MRAS: variants seen among roughly 807,000 people sequenced by gnomAD.
MRAS encodes the protein ras-related protein M-Ras.
MRAS carries 4 observed loss-of-function variants against 20.9 expected under a neutral mutation model. The observed-to-expected ratio is 0.19, with a 90% confidence interval of 0.09 to 0.44. MRAS has a LOEUF of 0.44. MRAS is among the 20% of genes least tolerant of loss of function. MRAS has a pLI of 0.99. For missense variants in MRAS, 154 were observed against 277.5 expected, an observed-to-expected ratio of 0.56 and a Z score of 3.16; for synonymous variants, 98 against 102.9, an observed-to-expected ratio of 0.95 and a Z score of 0.29.
chr3:138,399,192 C>A (rs1157425678), intron 4 of MRAS, among the ~76,000 whole-genome samples: 5 of 152,190 alleles, frequency 3.3e-5, no homozygotes, highest in Admixed American at 2.6e-4. Context: ...TGAGCAAGTG[C>A]GTCATTCTGA....
intron 2 of MRAS, among the ~76,000 whole-genome samples, chr3:138,393,658 A>G (rs1382941624): frequency 6.6e-6 from 1 of 151,084 alleles, no homozygotes; most frequent in Non-Finnish European, 1.5e-5. Context: ...CTGTAAATAT[A>G]TGAATTACGA....
At chr3:138,359,820 A>G (rs731632) in intron 1 of MRAS, among the ~76,000 whole-genome samples, 103,591 of 152,146 alleles carry the variant, frequency 0.68, 35,350 homozygotes, top group Admixed American at 0.77. Flanking sequence ...TCTGCCTTAG[A>G]ACGGCCGTGC....
rs143496688 is a variant in MRAS, at chr3:138,358,925, C to T, written c.-19+10158C>T. On this transcript the variant is annotated intron_variant, in intron 1 of 5. Transcript: ENST00000423968. ...CTGGCCACAGGGCCCAGCCTGGTTC[C>T]GCCTCCAGCTGGTGGCTGCTACCAC... Among the ~76,000 whole-genome samples, 845 of 152,170 alleles carry T rather than the reference C, an allele frequency of 5.6e-3. 4 individuals carry two copies. The highest frequency in any genetic ancestry group is 9.8e-3 in the Non-Finnish European group (667 of 67,982).
chr3:138,373,058 C>A lies in MRAS; in HGVS notation c.175C>A (p.Gln59Lys). Residue 59 changes from glutamine (Q) to lysine (K), a missense_variant, in exon 2 of 6, where the codon CAA becomes AAA. Physicochemically the swap from Gln to Lys is moderately conservative, Grantham distance 53. Transcript: ENST00000423968. ...CCTGAAACATACGGAGATTGACAAT[C>A]AATGGGCCATCTTGGACGGTGAGAC... ...SYLKHTEIDN[Q>K]WAILDVLDTA... 1 of 1,497,766 alleles carries A rather than the reference C, an allele frequency of 6.7e-7. No homozygotes were observed. The highest frequency in any genetic ancestry group is 8.9e-7 in the Non-Finnish European group (1 of 1,123,672). The allele number at this position is 1,497,766 out of a possible 1,614,324, so 92.8% of individuals were successfully genotyped here.
At position 138,385,500 on chromosome 3, in the gene MRAS, A is replaced by G. The variant is rs1365856414; in HGVS notation, c.194-11824A>G. Among the ~76,000 whole-genome samples the G allele has an allele frequency of 2.7e-5, 4 of 149,770 alleles. No homozygotes were observed. In the East Asian group the frequency reaches 5.9e-4, roughly 22 times the overall value. Reference sequence around the variant, plus strand: ...ATTGTATTTTTGAGTTTTAAAATATATATATTTATTTATTTATTTATTTAT... The same window carrying G: ...ATTGTATTTTTGAGTTTTAAAATATGTATATTTATTTATTTATTTATTTAT... On this transcript the variant is annotated intron_variant, in intron 2 of 5. Coordinates refer to ENST00000423968, the MANE Select transcript of MRAS (RefSeq NM_001085049.3).
At chr3:138,371,177 G>A (rs2108517508) in intron 1 of MRAS, among the ~76,000 whole-genome samples, 1 of 152,270 alleles carries the variant, frequency 6.6e-6, no homozygotes, top group African/African-American at 2.4e-5. Context: ...AGGCAGATTT[G>A]CACTTTCTCT....
chr3:138,402,336 T>C lies in MRAS; in HGVS notation c.*67T>C, dbSNP rs2055378044. 1.5e-6 allele frequency: 2 copies of C among 1,340,264 alleles called. No individual in the cohort carries two copies. Among genetic ancestry groups the C allele is most frequent in the East Asian group, 2.3e-5 (1 of 43,410 alleles). The allele number at this position is 1,340,264 out of a possible 1,614,324, so 83.0% of individuals were successfully genotyped here. A position where few individuals can be genotyped will look rare whatever the true frequency, so the allele number is the denominator to read the frequency against. On this transcript the variant is annotated 3_prime_UTR_variant, in exon 6 of 6. Coordinates refer to ENST00000423968, the MANE Select transcript of MRAS (RefSeq NM_001085049.3). ...CCCTCGGGACCCCTCCCCACCTAAC[T>C]GCACTGAAACCATTTCTAACCACAA...
intron 2 of MRAS, among the ~76,000 whole-genome samples, chr3:138,387,609 A>G (rs1006362191): frequency 6.6e-6 from 1 of 152,110 alleles, no homozygotes; most frequent in Non-Finnish European, 1.5e-5. Flanking sequence ...TGGAAGTGGG[A>G]TTATAGGCCA....
intron 1 of MRAS, chr3:138,349,108 G>C (rs2054174306): frequency 1.3e-5 from 2 of 149,298 alleles, no homozygotes; most frequent in African/African-American, 4.9e-5. Context: ...GCGGGGGATG[G>C]GTGGGTGGGT....
chr3:138,381,190 C>T (rs1339480581), intron 2 of MRAS, among the ~76,000 whole-genome samples: 3 of 152,314 alleles, frequency 2.0e-5, no homozygotes, highest in East Asian at 1.9e-4. Flanking sequence ...TTATGAATAA[C>T]GCTGCTATGA....
chr3:138,396,928 G>A (rs253666), intron 2 of MRAS, among the ~76,000 whole-genome samples: 124,161 of 152,064 alleles, frequency 0.82, 51,119 homozygotes, highest in East Asian at 0.98. Flanking sequence ...GAGTCAGGCA[G>A]CCTCCCAAAG....
At chr3:138,373,755 CAGTT>C (rs1436818234) in intron 2 of MRAS, among the ~76,000 whole-genome samples, 1 of 152,140 alleles carries the variant, frequency 6.6e-6, no homozygotes, top group Non-Finnish European at 1.5e-5. Context: ...GTTTTAGCAT[CAGTT>C]AAATTCTAAA....
At chr3:138,355,858 G>T (rs1181198553) in intron 1 of MRAS, among the ~76,000 whole-genome samples, 1 of 152,238 alleles carries the variant, frequency 6.6e-6, no homozygotes, top group Admixed American at 6.5e-5. Context: ...TTGAACCCGG[G>T]AGGCAGAGGT....
At chr3:138,353,376 C>T (rs915775246) in intron 1 of MRAS, among the ~76,000 whole-genome samples, 5 of 152,146 alleles carry the variant, frequency 3.3e-5, no homozygotes, top group African/African-American at 1.2e-4. Flanking sequence ...GGGAAACTTT[C>T]CACAAGGGGA....
At chr3:138,352,957 T>C (rs2054258140) in intron 1 of MRAS, among the ~76,000 whole-genome samples, 1 of 152,026 alleles carries the variant, frequency 6.6e-6, no homozygotes, top group Non-Finnish European at 1.5e-5. Context: ...GAAAATACGC[T>C]TGGGAGGCCA....
intron 1 of MRAS, among the ~76,000 whole-genome samples, chr3:138,365,292 G>A (rs552332234): frequency 6.6e-6 from 1 of 152,210 alleles, no homozygotes; most frequent in Non-Finnish European, 1.5e-5. Context: ...GGTGGTTTCT[G>A]CATACCTACT....
At chr3:138,391,819 A>G (rs2055137260) in intron 2 of MRAS, among the ~76,000 whole-genome samples, 1 of 152,184 alleles carries the variant, frequency 6.6e-6, no homozygotes, top group Non-Finnish European at 1.5e-5. Context: ...CCTCTAATAT[A>G]TGGCCAAATT....
intron 1 of MRAS, 102 bp downstream of exon 1, chr3:138,348,869 G>C (rs904572455): frequency 3.3e-5 from 5 of 151,930 alleles, no homozygotes; most frequent in African/African-American, 1.2e-4. Flanking sequence ...CGCCCTCCGG[G>C]CTCGGCCGCG....
At chr3:138,379,649 C>T (rs1272041422) in intron 2 of MRAS, among the ~76,000 whole-genome samples, 1 of 152,210 alleles carries the variant, frequency 6.6e-6, no homozygotes, top group Non-Finnish European at 1.5e-5. Context: ...TGAGCCACTG[C>T]GCCCAGCCTC....
Sources: allele counts gnomAD v4.1 joint callset (sites outside exome capture counted in the v4.1 genomes callset), GRCh38; gene constraint gnomAD v4.1.1; transcripts MANE v1.5; gene names NCBI Gene and HGNC (gene_info 2026-07-23, HGNC 2026-07-21).